Variants in MAGI1 observed in about 807,000 individuals in gnomAD.
MAGI1 encodes the protein membrane associated guanylate kinase, WW and PDZ domain containing 1.
A neutral mutation model predicts 139.9 loss-of-function variants in MAGI1; 58 were observed. That is an observed-to-expected ratio of 0.41 (90% CI 0.34 to 0.52). MAGI1 has a LOEUF of 0.52. Among genes scored for constraint, MAGI1 ranks in the 20% least tolerant of loss-of-function variants. MAGI1 has a pLI of 0.12. For synonymous variants in MAGI1, 812 were observed against 737.9 expected, an observed-to-expected ratio of 1.10 and a Z score of -1.63; for missense variants, 1,874 against 1,901.6, an observed-to-expected ratio of 0.99 and a Z score of 0.27.
At chr3:65,527,224 G>A (rs908953589) in intron 2 of MAGI1, among the ~76,000 whole-genome samples, 2 of 152,156 alleles carry the variant, frequency 1.3e-5, no homozygotes, top group African/African-American at 4.8e-5. Context: ...ACAGCTTGCC[G>A]AACTTGGGAT....
intron 1 of MAGI1, chr3:65,914,214 G>A (rs1451307031): frequency 6.6e-6 from 1 of 152,114 alleles, no homozygotes; most frequent in Non-Finnish European, 1.5e-5. Context: ...CATAAACCCG[G>A]CGGGGACTTC....
chr3:65,553,212 A>G (rs2107978125), intron 2 of MAGI1, among the ~76,000 whole-genome samples: 1 of 152,062 alleles, frequency 6.6e-6, no homozygotes, highest in African/African-American at 2.4e-5. Flanking sequence ...TCAGCTATGC[A>G]CGGTATAACA....
intron 2 of MAGI1, among the ~76,000 whole-genome samples, chr3:65,591,961 T>C (rs1320048776): frequency 6.6e-6 from 1 of 152,326 alleles, no homozygotes; most frequent in East Asian, 1.9e-4. Context: ...CTTACTCTGC[T>C]CTGCTTTTTC....
At chr3:65,701,278 G>C (rs1178854208) in intron 1 of MAGI1, among the ~76,000 whole-genome samples, 1 of 152,144 alleles carries the variant, frequency 6.6e-6, no homozygotes, top group Non-Finnish European at 1.5e-5. Context: ...TTGAGACAGA[G>C]TCTTGCTCTT....
At chr3:65,409,124 A>G (rs138962803) in intron 12 of MAGI1, among the ~76,000 whole-genome samples, 48 of 152,368 alleles carry the variant, frequency 3.2e-4, no homozygotes, top group African/African-American at 1.0e-3. Context: ...GAGACCATTC[A>G]TTCATACAAG....
intron 2 of MAGI1, among the ~76,000 whole-genome samples, chr3:65,596,355 A>G (rs2082197098): frequency 6.6e-6 from 1 of 152,318 alleles, no homozygotes; most frequent in East Asian, 1.9e-4. Flanking sequence ...ATCTTTTGAA[A>G]GCACTGAATA....
chr3:65,654,286 C>T (rs942021711), intron 1 of MAGI1, among the ~76,000 whole-genome samples: 1 of 152,156 alleles, frequency 6.6e-6, no homozygotes, highest in Non-Finnish European at 1.5e-5. Context: ...GATGCTTTCA[C>T]ACGTCATCCC....
intron 1 of MAGI1, among the ~76,000 whole-genome samples, chr3:65,657,594 G>C (rs1311529939): frequency 6.6e-6 from 1 of 152,144 alleles, no homozygotes; most frequent in Non-Finnish European, 1.5e-5. Flanking sequence ...ACCACTCTCT[G>C]TTAAAGGAGT....
chr3:65,451,875 T>A (rs1949051965), intron 6 of MAGI1, among the ~76,000 whole-genome samples: 1 of 152,182 alleles, frequency 6.6e-6, no homozygotes, highest in Non-Finnish European at 1.5e-5. Flanking sequence ...CTTGAACTCC[T>A]TGGCTCAAGT....
chr3:65,884,259 A>G (rs1030371455), intron 1 of MAGI1, among the ~76,000 whole-genome samples: 1 of 141,384 alleles, frequency 7.1e-6, no homozygotes, highest in Non-Finnish European at 1.6e-5. Flanking sequence ...TCTTAGATAC[A>G]ACAAGGAACT....
chr3:65,747,946 G>C (rs1006068208), intron 1 of MAGI1, among the ~76,000 whole-genome samples: 3 of 152,232 alleles, frequency 2.0e-5, no homozygotes, highest in Non-Finnish European at 4.4e-5. Flanking sequence ...TGAGCCAAAT[G>C]CTGGGAAACC....
chr3:65,357,690 A>T (rs992991710), intron 22 of MAGI1, among the ~76,000 whole-genome samples: 1 of 152,294 alleles, frequency 6.6e-6, no homozygotes, highest in Middle Eastern at 3.4e-3. Flanking sequence ...GGGCGCATAC[A>T]GAAGTGAAAA....
chr3:65,719,017 C>CAA (rs57290579), intron 1 of MAGI1, among the ~76,000 whole-genome samples: 17 of 96,366 alleles, frequency 1.8e-4, no homozygotes, highest in East Asian at 3.5e-4. Context: ...ATAACCCTAC[C>CAA]AAAAAAAAAA....
At chr3:65,779,349 C>T (rs2038743334) in intron 1 of MAGI1, among the ~76,000 whole-genome samples, 1 of 152,206 alleles carries the variant, frequency 6.6e-6, no homozygotes, top group Non-Finnish European at 1.5e-5. Flanking sequence ...CCCAAATTTG[C>T]TTCTGGAAGG....
chr3:65,437,890 C>T (rs1305429678), intron 9 of MAGI1, among the ~76,000 whole-genome samples: 2 of 151,984 alleles, frequency 1.3e-5, no homozygotes, highest in Admixed American at 6.6e-5. Context: ...AGGAAAGATA[C>T]ATTAAAAAAT....
Position 65,854,745 on chromosome 3 carries a change from CATCTGGTAGCACCATG to C in MAGI1, c.313+183235_313+183250del, listed in dbSNP as rs565477301. On this transcript the variant is annotated intron_variant, in intron 1 of 22. Transcript: ENST00000402939. ...CTAAATGAGCTGCTGTGGCCTGGCT[CATCTGGTAGCACCATG>C]ACTCGCAGTTCCTGCAAACCTCCCA... 1.6e-4 allele frequency among the ~76,000 whole-genome samples: 24 copies of C among 152,362 alleles called. No individual in the cohort carries two copies. In the South Asian group the frequency reaches 5.0e-3, roughly 32 times the overall value.
chr3:65,701,044 T>C (rs1488936880), intron 1 of MAGI1, among the ~76,000 whole-genome samples: 1 of 152,140 alleles, frequency 6.6e-6, no homozygotes, highest in Non-Finnish European at 1.5e-5. Context: ...AACACAAAAA[T>C]TATGTCCACA....
intron 1 of MAGI1, among the ~76,000 whole-genome samples, chr3:65,944,016 A>C (rs1197678007): frequency 6.6e-6 from 1 of 152,208 alleles, no homozygotes; most frequent in Non-Finnish European, 1.5e-5. Context: ...AAATGAAAAA[A>C]GTTGAGTTCC....
intron 22 of MAGI1, chr3:65,359,742 C>T: frequency 7.1e-6 from 7 of 985,662 alleles, no homozygotes; most frequent in Non-Finnish European, 8.4e-6. Context: ...TCTTGGAAAA[C>T]CATGTATTTA....
Sources: allele counts gnomAD v4.1 joint callset (sites outside exome capture counted in the v4.1 genomes callset), GRCh38; gene constraint gnomAD v4.1.1; transcripts MANE v1.5; gene names NCBI Gene and HGNC (gene_info 2026-07-23, HGNC 2026-07-21).